Variants in PARP16 observed in about 807,000 individuals in gnomAD.
The protein encoded by PARP16 is poly(ADP-ribose) polymerase family member 16.
Under a neutral mutation model 35.0 loss-of-function variants are expected in PARP16, and 31 were observed. That is an observed-to-expected ratio of 0.88 (90% CI 0.66 to 1.19). The LOEUF (loss-of-function observed/expected upper bound fraction) is 1.19, where lower values mean the gene tolerates loss of function less well. Among genes scored for constraint, PARP16 ranks in the 50% most tolerant of loss-of-function variants. The probability of loss-of-function intolerance (pLI) is 0.00; values close to 1 mark genes in which losing one functional copy is unlikely to be tolerated. For synonymous variants in PARP16, 162 were observed against 169.5 expected (o/e 0.96, Z 0.34); for missense variants, 424 against 411.2 (o/e 1.03, Z -0.27).
At chr15:65,275,440 GATA>G (rs1431351598) in intron 1 of PARP16, among the ~76,000 whole-genome samples, 1 of 152,054 alleles carries the variant, frequency 6.6e-6, no homozygotes, top group Non-Finnish European at 1.5e-5. Context: ...ACATAATTGG[GATA>G]ATATCAGTAG....
intron 2 of PARP16, among the ~76,000 whole-genome samples, chr15:65,270,318 TA>T (rs1275707516): frequency 1.3e-5 from 2 of 152,204 alleles, no homozygotes; most frequent in Non-Finnish European, 2.9e-5. Context: ...ACACACATTT[TA>T]TCAGTGCCCC....
chr15:65,261,041 TA>T lies in PARP16; in HGVS notation c.692-16del. The stretch of plus-strand genomic sequence containing the variant: ...CTCCTTGGAATCTGAATAAGGAGAG[TA>T]AAACACATCTTCACTGGGGGAAACA... On this transcript the variant is annotated splice_polypyrimidine_tract_variant and intron_variant, in intron 4 of 5. Transcript: ENST00000649807. The T allele has an allele frequency of 3.1e-6, 5 of 1,608,646 alleles. No individual in the cohort carries two copies. The highest frequency in any genetic ancestry group is 4.3e-6 in the Non-Finnish European group (5 of 1,175,928).
intron 1 of PARP16, among the ~76,000 whole-genome samples, chr15:65,275,154 G>A (rs2090212254): frequency 6.6e-6 from 1 of 152,086 alleles, no homozygotes. Flanking sequence ...AACAAAGTTG[G>A]ATACAAACTA....
chr15:65,261,859 A>G (rs564072160), intron 4 of PARP16, among the ~76,000 whole-genome samples: 35 of 152,264 alleles, frequency 2.3e-4, no homozygotes, highest in African/African-American at 8.4e-4. Flanking sequence ...CAAACAAAAA[A>G]CCCTTTTCTT....
chr15:65,258,980 G>A lies in PARP16; in HGVS notation c.*427C>T. The A allele has an allele frequency of 6.4e-6, 1 of 155,630 alleles. No individual in the cohort carries two copies. The allele number at this position is 155,630 out of a possible 1,614,324, so 9.6% of individuals were successfully genotyped here. On this transcript the variant is annotated 3_prime_UTR_variant, in exon 6 of 6. Transcript: ENST00000649807. Reference sequence around the variant, plus strand: ...CTTGGGTGTCTCAAGTCAAAACAAGGCAACCGCCTAGTGATTTATAGTTCC... The same window carrying A: ...CTTGGGTGTCTCAAGTCAAAACAAGACAACCGCCTAGTGATTTATAGTTCC...
intron 4 of PARP16, among the ~76,000 whole-genome samples, chr15:65,262,877 T>C (rs2089781635): frequency 6.6e-6 from 1 of 152,176 alleles, no homozygotes; most frequent in South Asian, 2.1e-4. Context: ...GGACCCACCA[T>C]GATTACTACT....
downstream of PARP16, among the ~76,000 whole-genome samples, chr15:65,253,521 G>A (rs367735041): frequency 1.6e-4 from 24 of 151,528 alleles, no homozygotes; most frequent in East Asian, 1.8e-3. Flanking sequence ...TAGTAGAGAC[G>A]GGGTTTCACT....
chr15:65,256,645 G>A (rs1253409640), downstream of PARP16, among the ~76,000 whole-genome samples: 1 of 151,984 alleles, frequency 6.6e-6, no homozygotes, highest in East Asian at 1.9e-4. Context: ...CTGACGTCGT[G>A]ATCCTCCCGT....
intron 1 of PARP16, among the ~76,000 whole-genome samples, chr15:65,280,230 A>G (rs1001457177): frequency 4.6e-5 from 7 of 152,034 alleles, no homozygotes; most frequent in South Asian, 4.2e-4. Context: ...TGACTCCAGG[A>G]GTTTGAGACC....
intron 2 of PARP16, among the ~76,000 whole-genome samples, chr15:65,249,953 C>T (rs1335106363): frequency 6.6e-5 from 10 of 152,140 alleles, no homozygotes; most frequent in Admixed American, 6.5e-4. Context: ...GCCTTCTGCT[C>T]ATAAAACAGA....
chr15:65,266,642 G>A lies in PARP16; in HGVS notation c.439C>T (p.Leu147=), dbSNP rs368972827. ...CGGCTACCATGAAATGCATAGATTA[G>A]GTCTCGTTCTCCTTTGGTCTCATAA... ...KFYETKGERD[L]IYAFHGSRLE... is the part of the protein sequence containing the mutation. Residue 147 remains leucine, a synonymous_variant, in exon 3 of 6, where the codon CTA becomes TTA. Coordinates refer to ENST00000649807, the MANE Select transcript of PARP16 (RefSeq NM_001316943.2). 2.3e-5 allele frequency: 37 copies of A among 1,614,028 alleles called. No individual in the cohort carries two copies. Among genetic ancestry groups the A allele is most frequent in the Non-Finnish European group, 3.0e-5 (35 of 1,180,008 alleles).
chr15:65,283,282 T>TA (rs2090475702), intron 1 of PARP16, among the ~76,000 whole-genome samples: 1 of 151,794 alleles, frequency 6.6e-6, no homozygotes, highest in African/African-American at 2.4e-5. Flanking sequence ...ATTTTTTTTT[T>TA]TAAAAAAAGC....
chr15:65,273,843 T>C (rs1355661854), intron 1 of PARP16, among the ~76,000 whole-genome samples: 2 of 141,654 alleles, frequency 1.4e-5, no homozygotes, highest in African/African-American at 5.4e-5. Flanking sequence ...GCCATTGCAC[T>C]CCAGCCTGGG....
chr15:65,279,324 ATATTAT>A (rs1017441159), intron 1 of PARP16, among the ~76,000 whole-genome samples: 8 of 152,202 alleles, frequency 5.3e-5, no homozygotes, highest in Non-Finnish European at 1.0e-4. Flanking sequence ...GTTGGTTGCT[ATATTAT>A]TATTATCAAT....
In PARP16 at chr15:65,266,642, G is replaced by C. The variant is rs368972827; in HGVS notation, c.439C>G (p.Leu147Val). ...KFYETKGERD[L>V]IYAFHGSRLE... Reference sequence around the variant, plus strand: ...CGGCTACCATGAAATGCATAGATTAGGTCTCGTTCTCCTTTGGTCTCATAA... The same window carrying C: ...CGGCTACCATGAAATGCATAGATTACGTCTCGTTCTCCTTTGGTCTCATAA... The change falls in exon 3 of 6, where the codon CTA (leucine) becomes GTA (valine). Residue 147 changes from leucine to valine, a missense_variant. By Grantham distance (32) the Leu-to-Val change is conservative. Transcript: ENST00000649807. 6.8e-6 allele frequency: 11 copies of C among 1,614,028 alleles called. No homozygotes were observed. The highest frequency in any genetic ancestry group is 1.3e-5 in the African/African-American group (1 of 74,930).
intron 1 of PARP16, among the ~76,000 whole-genome samples, chr15:65,283,290 A>C (rs941078731): frequency 6.6e-6 from 1 of 151,948 alleles, no homozygotes; most frequent in African/African-American, 2.4e-5. Context: ...TTTTAAAAAA[A>C]GCTGCATTGT....
intron 4 of PARP16, among the ~76,000 whole-genome samples, chr15:65,261,894 A>G (rs2089731871): frequency 6.6e-6 from 1 of 152,238 alleles, no homozygotes; most frequent in African/African-American, 2.4e-5. Context: ...AAGTTCTACA[A>G]AAAACTAGGA....
chr15:65,279,173 C>T (rs1366625524), intron 1 of PARP16, among the ~76,000 whole-genome samples: 1 of 152,052 alleles, frequency 6.6e-6, no homozygotes, highest in Admixed American at 6.6e-5. Context: ...GCCATCACCA[C>T]GTCCAGTGAT....
chr15:65,240,792 G>T (rs2089052999), intron 3 of PARP16, among the ~76,000 whole-genome samples: 1 of 151,896 alleles, frequency 6.6e-6, no homozygotes, highest in African/African-American at 2.4e-5. Context: ...TGGATCATGT[G>T]GTAGGTGTAT....
Sources: gnomAD v4.1 joint callset for allele counts (sites outside exome capture counted in the v4.1 genomes callset) on GRCh38, gnomAD v4.1.1 for gene constraint, MANE v1.5 for transcripts, NCBI Gene and HGNC (gene_info 2026-07-23, HGNC 2026-07-21) for gene names.